Variants in AGBL1 observed in about 807,000 individuals in gnomAD.
AGBL1 encodes AGBL carboxypeptidase 1.
Under a neutral mutation model 118.9 loss-of-function variants are expected in AGBL1, and 130 were observed. The observed-to-expected ratio is 1.09, with a 90% confidence interval of 0.95 to 1.26. AGBL1 has a LOEUF of 1.26. Among genes scored for constraint, AGBL1 ranks in the 50% most tolerant of loss-of-function variants. The probability of loss-of-function intolerance (pLI) is 0.00; values close to 1 mark genes in which losing one functional copy is unlikely to be tolerated. For synonymous variants in AGBL1, 555 were observed against 478.9 expected (o/e 1.16, Z -2.08); for missense variants, 1,584 against 1,298.1 (o/e 1.22, Z -3.38).
intron 22 of AGBL1, among the ~76,000 whole-genome samples, chr15:86,887,176 T>G (rs1242016283): frequency 1.3e-5 from 2 of 152,230 alleles, no homozygotes; most frequent in Non-Finnish European, 2.9e-5. Context: ...TGTAAAGGTA[T>G]ATGTGTAAAG....
intron 5 of AGBL1, among the ~76,000 whole-genome samples, chr15:86,172,462 A>G (rs189207836): frequency 6.6e-6 from 1 of 152,160 alleles, no homozygotes; most frequent in Non-Finnish European, 1.5e-5. Flanking sequence ...TATTCCTTCT[A>G]TCTAACTGTG....
intron 5 of AGBL1, among the ~76,000 whole-genome samples, chr15:86,205,161 T>C (rs1228273012): frequency 6.6e-6 from 1 of 152,210 alleles, no homozygotes; most frequent in African/African-American, 2.4e-5. Context: ...GATTTTTTCA[T>C]AGATTTGCCT....
intron 22 of AGBL1, among the ~76,000 whole-genome samples, chr15:86,680,243 C>A (rs1240620428): frequency 1.3e-5 from 2 of 152,126 alleles, no homozygotes; most frequent in East Asian, 3.9e-4. Context: ...CCATTGTATG[C>A]AATCATGTCC....
At chr15:86,523,067 G>A in intron 19 of AGBL1, 128 bp downstream of exon 19, 2 of 1,132,582 alleles carry the variant, frequency 1.8e-6, no homozygotes, top group Non-Finnish European at 2.6e-6. Context: ...TAGAATGGAG[G>A]ATGCATGGTG....
At chr15:86,716,099 G>A (rs1007103357) in intron 22 of AGBL1, among the ~76,000 whole-genome samples, 3 of 151,030 alleles carry the variant, frequency 2.0e-5, no homozygotes, top group South Asian at 2.1e-4. Flanking sequence ...AGTTATTTTC[G>A]CTATTGCATT....
chr15:86,374,773 C>T (rs898098430), intron 17 of AGBL1, among the ~76,000 whole-genome samples: 3 of 152,212 alleles, frequency 2.0e-5, no homozygotes, highest in Non-Finnish European at 4.4e-5. Context: ...GAATGTGGCA[C>T]ACAGGAGCCA....
intron 1 of AGBL1, among the ~76,000 whole-genome samples, chr15:86,101,568 T>C (rs1487128310): frequency 6.6e-6 from 1 of 152,196 alleles, no homozygotes; most frequent in Non-Finnish European, 1.5e-5. Flanking sequence ...AGTGCAGTTA[T>C]GTTTACAATT....
intron 17 of AGBL1, among the ~76,000 whole-genome samples, chr15:86,298,248 TATATATATA>T (rs2079680090): frequency 1.5e-4 from 7 of 46,736 alleles, no homozygotes; most frequent in South Asian, 1.3e-3. Context: ...CTGTGTATAA[TATATATATA>T]TATATATATA....
chr15:86,611,219 C>A (rs942358235), intron 21 of AGBL1, among the ~76,000 whole-genome samples: 1 of 152,114 alleles, frequency 6.6e-6, no homozygotes, highest in East Asian at 1.9e-4. Context: ...AAAGAAAGAG[C>A]AACAAAATAA....
intron 18 of AGBL1, among the ~76,000 whole-genome samples, chr15:86,407,770 A>C (rs1479775813): frequency 6.6e-6 from 1 of 152,134 alleles, no homozygotes; most frequent in Non-Finnish European, 1.5e-5. Flanking sequence ...CAACAGGCTA[A>C]GGTTTAATAA....
At chr15:86,505,323 T>C (rs951705395) in intron 18 of AGBL1, among the ~76,000 whole-genome samples, 2 of 98,886 alleles carry the variant, frequency 2.0e-5, no homozygotes, top group African/African-American at 8.6e-5. Flanking sequence ...TTTTCAGCCA[T>C]TACTTTTTTT....
chr15:86,435,282 G>T (rs1214330607), intron 18 of AGBL1, among the ~76,000 whole-genome samples: 1 of 152,132 alleles, frequency 6.6e-6, no homozygotes, highest in Non-Finnish European at 1.5e-5. Context: ...TCTGAGTTGA[G>T]GTTATGCTGA....
chr15:86,670,495 T>A (rs2085721814), intron 21 of AGBL1, among the ~76,000 whole-genome samples: 1 of 151,322 alleles, frequency 6.6e-6, no homozygotes, highest in Non-Finnish European at 1.5e-5. Flanking sequence ...TCACAGCTAC[T>A]CGGGAGGCTG....
intron 6 of AGBL1, among the ~76,000 whole-genome samples, chr15:86,231,263 A>G (rs532773330): frequency 6.6e-6 from 1 of 152,318 alleles, no homozygotes; most frequent in African/African-American, 2.4e-5. Context: ...CTGATAATAC[A>G]TTAATGTTGA....
chr15:86,665,335 C>T (rs1297678183), intron 21 of AGBL1, among the ~76,000 whole-genome samples: 1 of 30,280 alleles, frequency 3.3e-5, no homozygotes, highest in African/African-American at 8.3e-5. Flanking sequence ...AAATACACTT[C>T]CAAATTTCCT....
chr15:86,866,122 T>G (rs1288807923), intron 22 of AGBL1, among the ~76,000 whole-genome samples: 1 of 152,180 alleles, frequency 6.6e-6, no homozygotes. Context: ...AACCACAATT[T>G]CCTTTCATCA....
intron 21 of AGBL1, among the ~76,000 whole-genome samples, chr15:86,616,648 A>G (rs1208866856): frequency 6.6e-6 from 1 of 152,188 alleles, no homozygotes; most frequent in African/African-American, 2.4e-5. Context: ...ATGTTTCTAT[A>G]GAGTCATAGA....
At chr15:86,803,913 T>C (rs941061085) in intron 22 of AGBL1, among the ~76,000 whole-genome samples, 1 of 152,084 alleles carries the variant, frequency 6.6e-6, no homozygotes, top group African/African-American at 2.4e-5. Context: ...CCCCTCGCAA[T>C]AAAGAATTAC....
At chr15:86,394,342 T>C (rs2141985678) in intron 17 of AGBL1, among the ~76,000 whole-genome samples, 1 of 152,258 alleles carries the variant, frequency 6.6e-6, no homozygotes, top group South Asian at 2.1e-4. Context: ...ATCTCCCTTT[T>C]TCTTAAGATA....
Sources: gnomAD v4.1 joint callset for allele counts (sites outside exome capture counted in the v4.1 genomes callset) on GRCh38, gnomAD v4.1.1 for gene constraint, MANE v1.5 for transcripts, NCBI Gene and HGNC (gene_info 2026-07-23, HGNC 2026-07-21) for gene names.